Variants in ATP10B observed in about 807,000 individuals in gnomAD.
The protein encoded by ATP10B is ATPase phospholipid transporting 10B (putative).
ATP10B carries 122 observed loss-of-function variants against 141.2 expected under a neutral mutation model. The ratio of observed to expected loss-of-function variants is 0.86; its 90% CI spans 0.75 to 1.00. ATP10B has a LOEUF of 1.00. Ranked by LOEUF, ATP10B falls within the 50% of genes least tolerant of loss-of-function variation. The pLI, the probability that ATP10B is intolerant of heterozygous loss-of-function variation, is 0.00. For missense variants in ATP10B, 1,876 were observed against 1,825.3 expected, an observed-to-expected ratio of 1.03 and a Z score of -0.51; for synonymous variants, 685 against 692.0, an observed-to-expected ratio of 0.99 and a Z score of 0.16.
intron 3 of ATP10B, among the ~76,000 whole-genome samples, chr5:160,707,362 A>G (rs2033462): frequency 0.82 from 124,216 of 152,204 alleles, 51,043 homozygotes; most frequent in East Asian, 0.9. Context: ...CTAAGCTGGT[A>G]TTGCTGGACA....
At chr5:160,779,610 T>A (rs1222178858) in intron 2 of ATP10B, among the ~76,000 whole-genome samples, 1 of 152,184 alleles carries the variant, frequency 6.6e-6, no homozygotes, top group African/African-American at 2.4e-5. Flanking sequence ...CAGTTGAGCC[T>A]TCAGGTGGGC....
intron 13 of ATP10B, among the ~76,000 whole-genome samples, chr5:160,628,927 G>GT (rs150496935): frequency 0.014 from 2,107 of 148,178 alleles, 50 homozygotes; most frequent in African/African-American, 0.048. Context: ...ATGGTTTCTT[G>GT]TTTTTTTTTG....
chr5:160,860,935 A>G, the ATP10B span, among the ~76,000 whole-genome samples: 2 of 151,938 alleles, frequency 1.3e-5, no homozygotes, highest in African/African-American at 2.4e-5. Context: ...ACAGGGCACA[A>G]GTATCCCCAT....
At chr5:160,598,280 T>C (rs1421441392) in intron 22 of ATP10B, among the ~76,000 whole-genome samples, 1 of 151,806 alleles carries the variant, frequency 6.6e-6, no homozygotes, top group Non-Finnish European at 1.5e-5. Flanking sequence ...AGTAAACTAT[T>C]GCAAGGACAA....
Position 160,687,840 on chromosome 5 carries a change from A to T in ATP10B, c.235T>A (p.Phe79Ile), listed in dbSNP as rs761625052. Residue 79 changes from phenylalanine to isoleucine, a missense_variant, in exon 5 of 26, where the codon TTC becomes ATC. Transcript: ENST00000327245. ...NRTCTTKYTL[F>I]TFLPRNLFEQ... is the part of the protein sequence containing the mutation. Reference sequence around the variant, plus strand: ...AAGAGATTCCGGGGCAGGAAGGTGAAGAGGGTGTATTTGGTTGTGCAGGTT... The same window carrying T: ...AAGAGATTCCGGGGCAGGAAGGTGATGAGGGTGTATTTGGTTGTGCAGGTT... The T allele has an allele frequency of 1.2e-6, 2 of 1,614,152 alleles. No homozygotes were observed. The highest frequency in any genetic ancestry group is 2.2e-5 in the South Asian group (2 of 91,072).
chr5:160,836,200 A>G (rs1775417515), intron 1 of ATP10B, among the ~76,000 whole-genome samples: 1 of 152,146 alleles, frequency 6.6e-6, no homozygotes, highest in South Asian at 2.1e-4. Flanking sequence ...ACTATGAAAT[A>G]TATCCATATA....
chr5:160,701,179 C>CGACT (rs1764650172), intron 3 of ATP10B, among the ~76,000 whole-genome samples: 2 of 152,090 alleles, frequency 1.3e-5, no homozygotes, highest in Non-Finnish European at 2.9e-5. Context: ...AACTCTAGAT[C>CGACT]GACTCATGCC....
At chr5:160,918,642 G>A in the ATP10B span, among the ~76,000 whole-genome samples, 1 of 152,156 alleles carries the variant, frequency 6.6e-6, no homozygotes, top group African/African-American at 2.4e-5. Context: ...TCTTTAAGAT[G>A]TTGGAGAGGC....
At chr5:160,915,214 T>A in the ATP10B span, among the ~76,000 whole-genome samples, 1 of 152,166 alleles carries the variant, frequency 6.6e-6, no homozygotes, top group Admixed American at 6.5e-5. Context: ...GGGGAAGTTG[T>A]TTGAAGGTTG....
chr5:160,906,745 C>CCT, the ATP10B span, among the ~76,000 whole-genome samples: 1 of 152,172 alleles, frequency 6.6e-6, no homozygotes, highest in South Asian at 2.1e-4. Context: ...CCCAGTACCG[C>CCT]CTCTCCTTCT....
At chr5:160,882,571 G>T in the ATP10B span, among the ~76,000 whole-genome samples, 1 of 147,958 alleles carries the variant, frequency 6.8e-6, no homozygotes, top group South Asian at 2.2e-4. Flanking sequence ...TGTGGCCATT[G>T]TGCCTGGGGT....
At chr5:160,922,852 G>A in the ATP10B span, among the ~76,000 whole-genome samples, 4 of 152,258 alleles carry the variant, frequency 2.6e-5, no homozygotes, top group Admixed American at 6.5e-5. Flanking sequence ...CCAAGCCCTT[G>A]GTCCAAGGCC....
In ATP10B at chr5:160,598,799, C is replaced by T. The variant is rs751319442; in HGVS notation, c.3535G>A (p.Glu1179Lys). The change falls in exon 22 of 26, where the codon GAG becomes AAG. Residue 1179 changes from glutamate (E) to lysine (K), a missense_variant. Physicochemically the swap from Glu to Lys is moderately conservative, Grantham distance 56. Transcript: ENST00000327245. ...GAGTTCTGGCCACTCTTGTATAGCT[C>T]AGGCAATGCCAGGAGTGTTTCTGCA... ...ISAETLLALPELYKSGQNSEC... is the reference protein window; with the variant it reads ...ISAETLLALPKLYKSGQNSEC... 1 of 1,614,118 alleles carries T rather than the reference C, an allele frequency of 6.2e-7. No individual in the cohort carries two copies. Among genetic ancestry groups the T allele is most frequent in the Admixed American group, 1.7e-5 (1 of 60,024 alleles).
chr5:160,749,453 A>G (rs1247086055), intron 2 of ATP10B, among the ~76,000 whole-genome samples: 15 of 152,164 alleles, frequency 9.9e-5, no homozygotes, highest in Non-Finnish European at 1.9e-4. Context: ...CTGTGATAGG[A>G]AACCCAACAC....
chr5:160,693,396 G>T (rs1224520547), intron 3 of ATP10B, among the ~76,000 whole-genome samples: 1 of 127,900 alleles, frequency 7.8e-6, no homozygotes, highest in Non-Finnish European at 1.6e-5. Context: ...GTTTCCATGG[G>T]TCAGAAAACA....
chr5:160,824,650 C>T (rs1410021915), intron 1 of ATP10B, among the ~76,000 whole-genome samples: 2 of 151,738 alleles, frequency 1.3e-5, no homozygotes, highest in Non-Finnish European at 2.9e-5. Flanking sequence ...CAGCATGTTT[C>T]TTTGCTGAAT....
At chr5:160,568,605 C>T (rs1325124114) in intron 25 of ATP10B, among the ~76,000 whole-genome samples, 2 of 152,092 alleles carry the variant, frequency 1.3e-5, no homozygotes, top group East Asian at 1.9e-4. Flanking sequence ...GAACACTGGC[C>T]TTTGAGTTGG....
intron 1 of ATP10B, among the ~76,000 whole-genome samples, chr5:160,790,244 T>C (rs1020772610): frequency 1.3e-5 from 2 of 152,210 alleles, no homozygotes; most frequent in Non-Finnish European, 1.5e-5. Context: ...ACATGTATTT[T>C]CCAATCCTAT....
In ATP10B at chr5:160,823,514, C is replaced by T. The variant is rs927368213; in HGVS notation, c.-576+28427G>A. Among the ~76,000 whole-genome samples, 3 of 152,252 alleles carry T rather than the reference C, an allele frequency of 2.0e-5. No individual in the cohort carries two copies. The South Asian group carries it at 6.2e-4, about 32-fold the overall frequency. On this transcript the variant is annotated intron_variant, in intron 1 of 25. Coordinates refer to ENST00000327245, the MANE Select transcript of ATP10B (RefSeq NM_025153.3). ...CACATTTACCTATGTAACAAACTTG[C>T]ACGTGCTTAAATTTTAAGTTAACCC...
Sources: allele counts gnomAD v4.1 joint callset (sites outside exome capture counted in the v4.1 genomes callset), GRCh38; gene constraint gnomAD v4.1.1; transcripts MANE v1.5; gene names NCBI Gene and HGNC (gene_info 2026-07-23, HGNC 2026-07-21).